Variants in FAHD2A observed in about 807,000 individuals in gnomAD.
FAHD2A encodes oxaloacetate tautomerase FAHD2A, mitochondrial.
FAHD2A carries 27 observed loss-of-function variants against 33.4 expected under a neutral mutation model. That is an observed-to-expected ratio of 0.81 (90% CI 0.60 to 1.11). The LOEUF (loss-of-function observed/expected upper bound fraction) is 1.11, where lower values mean the gene tolerates loss of function less well. FAHD2A is among the 50% of genes most tolerant of loss of function. The pLI is 0.00. For missense variants in FAHD2A, 296 were observed against 395.0 expected (o/e 0.75, Z 2.12); for synonymous variants, 130 against 153.3 (o/e 0.85, Z 1.12).
At chr2:95,407,229 C>G in intron 3 of FAHD2A, 72 bp downstream of exon 3, 1 of 1,566,588 alleles carries the variant, frequency 6.4e-7, no homozygotes, top group Non-Finnish European at 8.7e-7. Flanking sequence ...AGTATTGAGC[C>G]TACTGGAGCC....
intron 3 of FAHD2A, among the ~76,000 whole-genome samples, chr2:95,408,894 A>G (rs1462201664): frequency 1.3e-5 from 2 of 152,274 alleles, no homozygotes; most frequent in Non-Finnish European, 2.9e-5. Flanking sequence ...AAAGTTGATT[A>G]TAGCAGATGT....
intron 3 of FAHD2A, among the ~76,000 whole-genome samples, chr2:95,408,835 G>A (rs113099445): frequency 0.012 from 1,778 of 152,330 alleles, 33 homozygotes; most frequent in African/African-American, 0.04. Context: ...CAACTCTGCT[G>A]TTATAGTGTG....
Position 95,413,016 on chromosome 2 carries a change from C to T in FAHD2A, c.*59C>T. ...GGCATCTGCTCCCACTCAGCCTAGC[C>T]CAGGGAAAGGCCCAGTGACAGGTGT... is the stretch of plus-strand genomic sequence containing the variant. On this transcript the variant is annotated 3_prime_UTR_variant, in exon 8 of 8. Coordinates refer to ENST00000233379, the MANE Select transcript of FAHD2A (RefSeq NM_016044.3). 1 of 1,596,862 alleles carries T rather than the reference C, an allele frequency of 6.3e-7. No homozygotes were observed. Among genetic ancestry groups the T allele is most frequent in the African/African-American group, 1.3e-5 (1 of 74,700 alleles).
Position 95,412,720 on chromosome 2 carries a change from C to G in FAHD2A, c.838C>G (p.Pro280Ala). ...YPGDVILTGTPPGVGVFRKPP... is the reference protein window; with the variant it reads ...YPGDVILTGTAPGVGVFRKPP... The stretch of plus-strand genomic sequence containing the variant: ...AGGGGATGTCATCCTAACTGGGACC[C>G]CCCCAGGTGTCGGTGTATTCAGGAA... The change falls in exon 7 of 8, where the codon CCC becomes GCC. Residue 280 changes from proline (P) to alanine (A), a missense_variant. By Grantham distance (27) the Pro-to-Ala change is conservative. Transcript: ENST00000233379. 6.2e-7 allele frequency: 1 copy of G among 1,614,178 alleles called. No homozygotes were observed. The highest frequency in any genetic ancestry group is 1.3e-5 in the African/African-American group (1 of 75,066).
In FAHD2A at chr2:95,411,006, T is replaced by C. The variant is rs758690715; in HGVS notation, c.665T>C (p.Val222Ala). Residue 222 changes from valine to alanine, a missense_variant, in exon 5 of 8, where the codon GTG (valine) becomes GCG (alanine). Physicochemically the swap from Val to Ala is moderately conservative, Grantham distance 64. Coordinates refer to ENST00000233379, the MANE Select transcript of FAHD2A (RefSeq NM_016044.3). ...TTCTGCCCTCTGGGCCCTGCCTTGG[T>C]GACCAAGGACAGTGTAGCAGGTAGG... Reference protein sequence around the residue: ...DTFCPLGPALVTKDSVADPHN... With the variant: ...DTFCPLGPALATKDSVADPHN... 1.2e-6 allele frequency: 2 copies of C among 1,613,868 alleles called. No homozygotes were observed. The highest frequency in any genetic ancestry group is 4.5e-5 in the East Asian group (2 of 44,902).
chr2:95,419,133 T>C (rs192941831), downstream of FAHD2A, among the ~76,000 whole-genome samples: 7 of 152,172 alleles, frequency 4.6e-5, no homozygotes, highest in Admixed American at 2.6e-4. Context: ...CATCTTGATT[T>C]TGTAAGCCAG....
intron 2 of FAHD2A, 55 bp from the exon 3 acceptor site, chr2:95,406,886 C>T (rs925205891): frequency 5.8e-5 from 88 of 1,526,926 alleles, no homozygotes; most frequent in East Asian, 2.7e-4. Context: ...CCAGCCTGCC[C>T]GGGATTGCCC....
At position 95,415,926 on chromosome 2, in the gene FAHD2A, C is replaced by T. The variant is rs904374768; in HGVS notation, c.*2969C>T. On this transcript the variant is annotated 3_prime_UTR_variant, in exon 8 of 8. Transcript: ENST00000233379. ...CAGATCAGTGCCGACCTGTTAAGGC[C>T]GTCGAGAGCATCAAATGCTACTGTT... 4 of 152,200 alleles carry T rather than the reference C, an allele frequency of 2.6e-5. No individual in the cohort carries two copies. Among genetic ancestry groups the T allele is most frequent in the African/African-American group, 9.7e-5 (4 of 41,436 alleles). The allele number at this position is 152,200 out of a possible 1,614,324, so 9.4% of individuals were successfully genotyped here. A position where few individuals can be genotyped will look rare whatever the true frequency, so the allele number is the denominator to read the frequency against.
chr2:95,410,487 T>G, intron 3 of FAHD2A, 40 bp from the exon 4 acceptor site: 1 of 1,584,388 alleles, frequency 6.3e-7, no homozygotes, highest in Non-Finnish European at 8.6e-7. Context: ...CAGTGGGCCC[T>G]GAAGCCACTG....
chr2:95,417,446 C>CT (rs951887449), downstream of FAHD2A, among the ~76,000 whole-genome samples: 3 of 151,998 alleles, frequency 2.0e-5, no homozygotes, highest in Admixed American at 1.3e-4. Flanking sequence ...ATTTGGGAGG[C>CT]TCTCTACCAG....
chr2:95,414,090 G>T lies in FAHD2A; in HGVS notation c.*1133G>T. The T allele has an allele frequency of 2.1e-6, 3 of 1,425,332 alleles. No homozygotes were observed. The South Asian group carries it at 3.5e-5, about 17-fold the overall frequency. 88.3% of individuals were successfully genotyped at this position (1,425,332 alleles called of 1,614,324 possible). On this transcript the variant is annotated 3_prime_UTR_variant, in exon 8 of 8. Transcript: ENST00000233379. ...ACTGGGCACAGGCTTCTCTCCTCTT[G>T]TTTAAAGAAGCCCAGGGAGGGATAG...
At chr2:95,420,797 C>T (rs935428484), downstream of FAHD2A, among the ~76,000 whole-genome samples, 2 of 151,878 alleles carry the variant, frequency 1.3e-5, no homozygotes, top group African/African-American at 4.9e-5. Context: ...GGCTATGACC[C>T]CATAACCTTA....
intron 1 of FAHD2A, among the ~76,000 whole-genome samples, chr2:95,404,147 C>T (rs959108396): frequency 1.3e-5 from 2 of 152,292 alleles, no homozygotes; most frequent in East Asian, 1.9e-4. Flanking sequence ...TGTACAATAC[C>T]GCCTTTGTTG....
Position 95,405,672 on chromosome 2 carries a change from G to T in FAHD2A, c.114G>T (p.Val38=), listed in dbSNP as rs542036664. 28 of 1,614,158 alleles carry T rather than the reference G, an allele frequency of 1.7e-5. No individual in the cohort carries two copies. Among genetic ancestry groups the T allele is most frequent in the Non-Finnish European group, 2.4e-5 (28 of 1,180,032 alleles). Residue 38 remains valine (V), a synonymous_variant, in exon 2 of 8, where the codon GTG becomes GTT. Coordinates refer to ENST00000233379, the MANE Select transcript of FAHD2A (RefSeq NM_016044.3). ...TGCAGTTCCGGGCACCCCACCTGGT[G>T]GGGCCTCACTTGGGCCTGGAGACAG... ...RLVQFRAPHL[V]GPHLGLETGN...
chr2:95,407,252 A>G (rs1437158294), intron 3 of FAHD2A, 95 bp downstream of exon 3: 21 of 1,539,466 alleles, frequency 1.4e-5, no homozygotes, highest in Admixed American at 9.0e-5. Context: ...CTCTCGCTCA[A>G]TAGCGCATTC....
intron 1 of FAHD2A, among the ~76,000 whole-genome samples, chr2:95,403,192 C>T (rs537020954): frequency 4.3e-4 from 66 of 152,298 alleles, no homozygotes; most frequent in African/African-American, 1.5e-3. Context: ...GGATTGAGCT[C>T]GGGCTGTGTG....
At chr2:95,405,341 C>G (rs1681349250) in intron 1 of FAHD2A, 1 of 577,912 alleles carries the variant, frequency 1.7e-6, no homozygotes. Flanking sequence ...ATCCCTGGGA[C>G]TTACTGCGTA....
chr2:95,417,134 A>G (rs1484541772), downstream of FAHD2A, among the ~76,000 whole-genome samples: 2 of 152,264 alleles, frequency 1.3e-5, no homozygotes, highest in Admixed American at 1.3e-4. Flanking sequence ...GGCAGGTGCC[A>G]TATAAGAAGA....
rs919485940 is a variant in FAHD2A at position 95,413,880 on chromosome 2, G to A, written c.*923G>A. The A allele has an allele frequency of 1.1e-6, 1 of 881,746 alleles. No homozygotes were observed. The highest frequency in any genetic ancestry group is 1.8e-5 in the Admixed American group (1 of 56,952). 54.6% of individuals were successfully genotyped at this position (881,746 alleles called of 1,614,324 possible). On this transcript the variant is annotated 3_prime_UTR_variant, in exon 8 of 8. Transcript: ENST00000233379. The stretch of plus-strand genomic sequence containing the variant: ...TCAGGCCAGCCCTGTGGGGTGATGG[G>A]AACATAGCTGGGTTTCCCTGAGCCA...
Sources: gnomAD v4.1 joint callset for allele counts (sites outside exome capture counted in the v4.1 genomes callset) on GRCh38, gnomAD v4.1.1 for gene constraint, MANE v1.5 for transcripts, NCBI Gene and HGNC (gene_info 2026-07-23, HGNC 2026-07-21) for gene names.